The following VEPH1 variants were observed in gnomAD, a reference collection of about 807,000 sequenced individuals.
VEPH1 encodes the protein ventricular zone expressed PH domain containing 1.
A neutral mutation model predicts 85.2 loss-of-function variants in VEPH1; 80 were observed. That is an observed-to-expected ratio of 0.94 (90% CI 0.78 to 1.13). VEPH1 has a LOEUF of 1.13. Ranked by LOEUF, VEPH1 falls within the 50% of genes most tolerant of loss-of-function variation. The pLI is 0.00. For synonymous variants in VEPH1, 297 were observed against 348.0 expected (o/e 0.85, Z 1.63); for missense variants, 955 against 980.5 (o/e 0.97, Z 0.35).
At position 157,286,659 on chromosome 3, in the gene VEPH1, G is replaced by A. The variant is rs1344229479; in HGVS notation, c.2026C>T (p.Gln676Ter). 1 of 1,613,896 alleles carries A rather than the reference G, an allele frequency of 6.2e-7. No homozygotes were observed. Among genetic ancestry groups the A allele is most frequent in the Non-Finnish European group, 8.5e-7 (1 of 1,179,932 alleles). The change falls in exon 12 of 14, where the codon CAG becomes TAG. Residue 676 changes from glutamine to a stop codon, truncating the protein, a stop_gained. Coordinates refer to ENST00000362010, the MANE Select transcript of VEPH1 (RefSeq NM_001167912.2). LOFTEE classifies it high-confidence loss of function. ...FPQQKDLDQV[Q>*]LHLEEVRFFD... ...AACCTCACTTCTTCCAGATGGAGCT[G>A]TACCTGGTCCAGATCCTGTGTCAGG...
intron 6 of VEPH1, chr3:157,413,573 T>C (rs966591290): frequency 2.0e-6 from 2 of 985,246 alleles, no homozygotes; most frequent in African/African-American, 1.7e-5. Flanking sequence ...ACCCTCCTTC[T>C]TCAGGTGACA....
Position 157,353,328 on chromosome 3 carries a change from A to C in VEPH1, c.1735+10036T>G, listed in dbSNP as rs1460678285. Among the ~76,000 whole-genome samples, 3 of 151,976 alleles carry C rather than the reference A, an allele frequency of 2.0e-5. No homozygotes were observed. The East Asian group carries it at 5.8e-4, about 29-fold the overall frequency. Reference sequence around the variant, plus strand: ...GGTTCTGTTGCCCAGGCTGGAGTGCAGTGGCGCAATCTTGGCTCAACCTCC... The same window carrying C: ...GGTTCTGTTGCCCAGGCTGGAGTGCCGTGGCGCAATCTTGGCTCAACCTCC... On this transcript the variant is annotated intron_variant, in intron 9 of 13. Coordinates refer to ENST00000362010, the MANE Select transcript of VEPH1 (RefSeq NM_001167912.2).
At chr3:157,445,071 T>A (rs996821067) in intron 4 of VEPH1, among the ~76,000 whole-genome samples, 10 of 152,192 alleles carry the variant, frequency 6.6e-5, no homozygotes, top group African/African-American at 2.4e-4. Context: ...AAATATTATA[T>A]GTGATTCTTT....
At chr3:157,475,774 C>A (rs1351891515) in intron 2 of VEPH1, among the ~76,000 whole-genome samples, 1 of 152,180 alleles carries the variant, frequency 6.6e-6, no homozygotes, top group East Asian at 1.9e-4. Flanking sequence ...TAGACCTACT[C>A]AGGGTGACCC....
At chr3:157,338,624 A>G (rs533504595) in intron 9 of VEPH1, among the ~76,000 whole-genome samples, 3 of 152,026 alleles carry the variant, frequency 2.0e-5, no homozygotes, top group African/African-American at 4.8e-5. Flanking sequence ...TTCTTTTTCA[A>G]TGCTGAGATT....
intron 4 of VEPH1, among the ~76,000 whole-genome samples, chr3:157,439,478 A>T (rs1392416244): frequency 6.6e-6 from 1 of 152,218 alleles, no homozygotes; most frequent in Non-Finnish European, 1.5e-5. Flanking sequence ...AAAACCTATT[A>T]GTTAAAAGCC....
intron 9 of VEPH1, among the ~76,000 whole-genome samples, chr3:157,336,791 G>A (rs570912136): frequency 6.6e-6 from 1 of 152,258 alleles, no homozygotes; most frequent in South Asian, 2.1e-4. Context: ...CTGCTTGCTT[G>A]TTTAAACAAA....
At chr3:157,388,477 G>A (rs186053267) in intron 6 of VEPH1, among the ~76,000 whole-genome samples, 18 of 152,202 alleles carry the variant, frequency 1.2e-4, no homozygotes, top group Admixed American at 1.2e-3. Context: ...CTTGTCCTGG[G>A]AAACTCCTTA....
chr3:157,386,274 A>AAAAAAAT (rs1560018710), intron 6 of VEPH1, among the ~76,000 whole-genome samples: 3 of 149,902 alleles, frequency 2.0e-5, no homozygotes, highest in Non-Finnish European at 3.0e-5. Context: ...AAAAAAAAAA[A>AAAAAAAT]GTGGTTAGTT....
At chr3:157,478,271 C>CT (rs375806002) in intron 2 of VEPH1, among the ~76,000 whole-genome samples, 8 of 152,140 alleles carry the variant, frequency 5.3e-5, no homozygotes, top group African/African-American at 1.9e-4. Context: ...TAGTTGAGGC[C>CT]TTTTTTTCAC....
intron 4 of VEPH1, among the ~76,000 whole-genome samples, chr3:157,435,642 C>T (rs1209175187): frequency 6.6e-6 from 1 of 152,222 alleles, no homozygotes; most frequent in Admixed American, 6.5e-5. Context: ...TCACTTCACT[C>T]CTATGCCAGA....
At chr3:157,434,249 T>A (rs1449773852) in intron 4 of VEPH1, among the ~76,000 whole-genome samples, 1 of 152,194 alleles carries the variant, frequency 6.6e-6, no homozygotes, top group Non-Finnish European at 1.5e-5. Context: ...CATTTCTACT[T>A]TATGTTTTAT....
At chr3:157,336,417 A>G (rs564172456) in intron 9 of VEPH1, among the ~76,000 whole-genome samples, 1 of 152,240 alleles carries the variant, frequency 6.6e-6, no homozygotes, top group East Asian at 1.9e-4. Context: ...AACTGGATAA[A>G]ATGCTTCCTA....
At chr3:157,498,581 T>C (rs575419777) in intron 1 of VEPH1, among the ~76,000 whole-genome samples, 1 of 151,952 alleles carries the variant, frequency 6.6e-6, no homozygotes, top group Admixed American at 6.6e-5. Flanking sequence ...TCTCCCAGGA[T>C]AGTTGTATTC....
At chr3:157,456,646 T>C (rs1735408423) in intron 4 of VEPH1, among the ~76,000 whole-genome samples, 1 of 152,200 alleles carries the variant, frequency 6.6e-6, no homozygotes, top group Non-Finnish European at 1.5e-5. Flanking sequence ...GCCCATTGCT[T>C]GTTTTTGTCA....
intron 9 of VEPH1, 140 bp downstream of exon 9, chr3:157,363,224 A>T: frequency 1.3e-6 from 1 of 783,280 alleles, no homozygotes; most frequent in East Asian, 2.7e-5. Context: ...AAAAACTAAC[A>T]TAATGTAAGG....
chr3:157,327,531 G>T (rs1328758122), intron 9 of VEPH1, among the ~76,000 whole-genome samples: 7 of 152,084 alleles, frequency 4.6e-5, no homozygotes, highest in Admixed American at 2.6e-4. Flanking sequence ...TAAAACTATG[G>T]TACAGTGAAG....
intron 9 of VEPH1, among the ~76,000 whole-genome samples, chr3:157,353,104 G>A (rs1378091861): frequency 1.3e-5 from 2 of 152,082 alleles, no homozygotes; most frequent in Non-Finnish European, 2.9e-5. Context: ...TAGATAGGAC[G>A]CTGGGCATCT....
At chr3:157,376,672 CT>C (rs1728154826) in intron 7 of VEPH1, among the ~76,000 whole-genome samples, 1 of 152,194 alleles carries the variant, frequency 6.6e-6, no homozygotes, top group Admixed American at 6.5e-5. Context: ...TCACCTGGTG[CT>C]TCTAACAAAA....
Sources: gnomAD v4.1 joint callset for allele counts (sites outside exome capture counted in the v4.1 genomes callset) on GRCh38, gnomAD v4.1.1 for gene constraint, MANE v1.5 for transcripts, NCBI Gene and HGNC (gene_info 2026-07-23, HGNC 2026-07-21) for gene names.